DRC11: variants seen among roughly 807,000 people sequenced by gnomAD.
DRC11 encodes IQ and AAA domain-containing protein 1.
At chr2:236,465,522 A>G in the DRC11 span, 2 of 1,613,982 alleles carry the variant, frequency 1.2e-6, no homozygotes, top group East Asian at 2.2e-5. The surrounding 1 kb of genome is among the most constrained non-coding windows in gnomAD (Gnocchi z 6.2). Context: ...CGATGAACCA[A>G]TGCCGGATCT....
chr2:236,385,042 CA>C, the DRC11 span, among the ~76,000 whole-genome samples: 50 of 151,966 alleles, frequency 3.3e-4, 1 homozygote, highest in Non-Finnish European at 1.5e-5. Flanking sequence ...GTATCAGTAC[CA>C]TGCTGTTTTG....
the DRC11 span, among the ~76,000 whole-genome samples, chr2:236,309,452 G>T: frequency 6.6e-6 from 1 of 152,180 alleles, no homozygotes; most frequent in East Asian, 1.9e-4. This position sits in a 1 kb window ranked among gnomAD's most constrained non-coding sequence, Gnocchi z 5.7. Flanking sequence ...CTCACAGGTG[G>T]TCATTGCCTG....
chr2:236,487,977 C>A, the DRC11 span: 10 of 1,509,298 alleles, frequency 6.6e-6, no homozygotes, highest in African/African-American at 1.1e-4. Flanking sequence ...TGTACCCCAA[C>A]TCCAGGAGCC....
the DRC11 span, among the ~76,000 whole-genome samples, chr2:236,357,610 T>G: frequency 2.4e-5 from 3 of 124,210 alleles, no homozygotes; most frequent in African/African-American, 9.8e-5. Context: ...TAAATATATA[T>G]TTATAAATAT....
chr2:236,410,888 A>AATCC, the DRC11 span, among the ~76,000 whole-genome samples: 3 of 145,628 alleles, frequency 2.1e-5, no homozygotes, highest in Non-Finnish European at 3.0e-5. Flanking sequence ...CTTATACAAA[A>AATCC]ATCAATTCAA....
chr2:236,401,382 A>G, the DRC11 span, among the ~76,000 whole-genome samples: 65,627 of 151,442 alleles, frequency 0.43, 14,664 homozygotes, highest in African/African-American at 0.49. The surrounding 1 kb of genome is among the most constrained non-coding windows in gnomAD (Gnocchi z 4.6). Context: ...TGCCCTTTTG[A>G]CAGGATTGTC....
chr2:236,395,090 A>C, the DRC11 span, among the ~76,000 whole-genome samples: 1 of 152,188 alleles, frequency 6.6e-6, no homozygotes, highest in African/African-American at 2.4e-5. Context: ...CAGACAGGGC[A>C]GTCTCATAAG....
chr2:236,353,123 T>TA, the DRC11 span, among the ~76,000 whole-genome samples: 11 of 152,280 alleles, frequency 7.2e-5, no homozygotes, highest in African/African-American at 2.7e-4. The surrounding 1 kb of genome is among the most constrained non-coding windows in gnomAD (Gnocchi z 5.0). Context: ...CATTTAGCTA[T>TA]GAAAAGGCTT....
chr2:236,426,057 C>A, the DRC11 span, among the ~76,000 whole-genome samples: 1 of 151,924 alleles, frequency 6.6e-6, no homozygotes, highest in Non-Finnish European at 1.5e-5. The surrounding 1 kb of genome is among the most constrained non-coding windows in gnomAD (Gnocchi z 4.1). Flanking sequence ...ATTTGGAAAT[C>A]AGGAAGTGTG....
At chr2:236,409,041 A>G in the DRC11 span, 1 of 614,218 alleles carries the variant, frequency 1.6e-6, no homozygotes, top group Non-Finnish European at 2.9e-6. Context: ...AAGCCGAGGG[A>G]CCCATGTCTG....
the DRC11 span, among the ~76,000 whole-genome samples, chr2:236,455,290 T>C: frequency 5.3e-5 from 8 of 152,202 alleles, no homozygotes; most frequent in Non-Finnish European, 1.0e-4. This position sits in a 1 kb window ranked among gnomAD's most constrained non-coding sequence, Gnocchi z 5.7. Flanking sequence ...CCTCGCCTAT[T>C]ATGAGCCATG....
At chr2:236,390,048 G>T in the DRC11 span, among the ~76,000 whole-genome samples, 1 of 152,154 alleles carries the variant, frequency 6.6e-6, no homozygotes, top group Non-Finnish European at 1.5e-5. The surrounding 1 kb of genome is among the most constrained non-coding windows in gnomAD (Gnocchi z 5.9). Flanking sequence ...CTGTCTGGAT[G>T]ATACATTCAT....
chr2:236,486,028 G>T, the DRC11 span, among the ~76,000 whole-genome samples: 68 of 152,346 alleles, frequency 4.5e-4, no homozygotes, highest in African/African-American at 1.5e-3. This position sits in a 1 kb window ranked among gnomAD's most constrained non-coding sequence, Gnocchi z 5.7. Context: ...AAGGTGATGG[G>T]ATGCCACTTC....
the DRC11 span, among the ~76,000 whole-genome samples, chr2:236,341,547 A>G: frequency 1.3e-5 from 2 of 152,190 alleles, no homozygotes; most frequent in Non-Finnish European, 2.9e-5. Context: ...TGTGTGCAGG[A>G]GGACAGAGAA....
chr2:236,491,001 TTG>T, the DRC11 span, among the ~76,000 whole-genome samples: 2 of 144,718 alleles, frequency 1.4e-5, no homozygotes, highest in African/African-American at 2.5e-5. Flanking sequence ...CAAGAATATA[TTG>T]TGTGTATATA....
the DRC11 span, chr2:236,338,073 ACACCCCACCGGGTGCAGG>A: frequency 1.3e-6 from 1 of 784,986 alleles, no homozygotes; most frequent in South Asian, 1.9e-5. Flanking sequence ...GCAGGTGCAC[ACACCCCACCGGGTGCAGG>A]CTCCCCTCAA....
At chr2:236,381,381 A>G in the DRC11 span, among the ~76,000 whole-genome samples, 1 of 151,822 alleles carries the variant, frequency 6.6e-6, no homozygotes, top group Non-Finnish European at 1.5e-5. This position sits in a 1 kb window ranked among gnomAD's most constrained non-coding sequence, Gnocchi z 5.8. Flanking sequence ...AGCTCCCAGA[A>G]CTATGAGCTA....
At chr2:236,456,613 C>T in the DRC11 span, among the ~76,000 whole-genome samples, 1 of 152,144 alleles carries the variant, frequency 6.6e-6, no homozygotes, top group African/African-American at 2.4e-5. The surrounding 1 kb of genome is among the most constrained non-coding windows in gnomAD (Gnocchi z 5.4). Context: ...ACCTAATTTA[C>T]ATCACTTTCA....
chr2:236,407,136 T>C, the DRC11 span, among the ~76,000 whole-genome samples: 1 of 152,178 alleles, frequency 6.6e-6, no homozygotes, highest in Admixed American at 6.5e-5. Flanking sequence ...ACATTCCTCA[T>C]GGCTTTGAGG....
Sources: gnomAD v4.1 joint callset for allele counts (sites outside exome capture counted in the v4.1 genomes callset) on GRCh38, gnomAD v4.1.1 for gene constraint, Gnocchi (gnomAD v3.1) non-coding constraint, MANE v1.5 for transcripts, NCBI Gene and HGNC (gene_info 2026-07-23, HGNC 2026-07-21) for gene names.